Variants in ITGA1 observed in about 807,000 individuals in gnomAD.
ITGA1 encodes the protein integrin subunit alpha 1.
Under a neutral mutation model 145.9 loss-of-function variants are expected in ITGA1, and 85 were observed. The ratio of observed to expected loss-of-function variants is 0.58; its 90% CI spans 0.49 to 0.70. The LOEUF is 0.70. Ranked by LOEUF, ITGA1 falls within the 30% of genes least tolerant of loss-of-function variation. ITGA1 has a pLI of 0.00. For missense variants in ITGA1, 1,351 were observed against 1,418.7 expected, an observed-to-expected ratio of 0.95 and a Z score of 0.77; for synonymous variants, 520 against 495.3, an observed-to-expected ratio of 1.05 and a Z score of -0.66.
At chr5:52,814,737 AAG>A (rs1491230960) in intron 1 of ITGA1, among the ~76,000 whole-genome samples, 2 of 152,132 alleles carry the variant, frequency 1.3e-5, no homozygotes, top group African/African-American at 4.8e-5. Context: ...ATTAAAAAAA[AAG>A]GGGGGGAAAG....
chr5:52,908,958 G>A lies in ITGA1; in HGVS notation c.1516G>A (p.Asp506Asn), dbSNP rs1196274978. Reference sequence around the variant, plus strand: ...TGACATTGACAAGGATTCTAATACTGACATTCTTCTAGTCGGAGCCCCTAT... The same window carrying A: ...TGACATTGACAAGGATTCTAATACTAACATTCTTCTAGTCGGAGCCCCTAT... ...TTDIDKDSNT[D>N]ILLVGAPMYM... The change falls in exon 13 of 29, where the codon GAC becomes AAC. Residue 506 changes from aspartate to asparagine, a missense_variant. By Grantham distance (23) the Asp-to-Asn change is conservative (BLOSUM62 1). Coordinates refer to ENST00000282588, the MANE Select transcript of ITGA1 (RefSeq NM_181501.2). The A allele has an allele frequency of 6.2e-7, 1 of 1,613,772 alleles. No individual in the cohort carries two copies.
chr5:52,864,632 A>T (rs941949621), intron 3 of ITGA1, 131 bp from the exon 4 acceptor site: 1 of 624,788 alleles, frequency 1.6e-6, no homozygotes, highest in African/African-American at 1.9e-5. Context: ...GACTTGGAAG[A>T]CTAATTAGTT....
intron 1 of ITGA1, among the ~76,000 whole-genome samples, chr5:52,830,078 T>G (rs1749034944): frequency 6.6e-6 from 1 of 152,182 alleles, no homozygotes; most frequent in African/African-American, 2.4e-5. Context: ...ATTCAATAGA[T>G]TAAAAGTTAT....
At chr5:52,856,884 A>G (rs1291273839) in intron 2 of ITGA1, among the ~76,000 whole-genome samples, 1 of 152,148 alleles carries the variant, frequency 6.6e-6, no homozygotes, top group African/African-American at 2.4e-5. Flanking sequence ...CTGGTCCCTC[A>G]ACTGGGGCTG....
intron 14 of ITGA1, among the ~76,000 whole-genome samples, chr5:52,911,899 A>C (rs1218305618): frequency 7.3e-6 from 1 of 136,478 alleles, no homozygotes; most frequent in Non-Finnish European, 1.5e-5. Context: ...AGCATATCTA[A>C]TATATAGATA....
intron 1 of ITGA1, among the ~76,000 whole-genome samples, chr5:52,842,855 T>A (rs1297252540): frequency 6.6e-6 from 1 of 152,052 alleles, no homozygotes; most frequent in African/African-American, 2.4e-5. Flanking sequence ...CCAGCTAATT[T>A]TTTTTAATGT....
Position 52,831,829 on chromosome 5 carries a change from A to G in ITGA1, c.62-17536A>G, listed in dbSNP as rs1749076633. Among the ~76,000 whole-genome samples the G allele has an allele frequency of 2.0e-5, 3 of 152,246 alleles. No homozygotes were observed. The South Asian group carries it at 6.2e-4, about 32-fold the overall frequency. Reference sequence around the variant, plus strand: ...ATTCATAATATAGTCATGTCTATACATTGATTAACATATTTGTTATCAACT... The same window carrying G: ...ATTCATAATATAGTCATGTCTATACGTTGATTAACATATTTGTTATCAACT... On this transcript the variant is annotated intron_variant, in intron 1 of 28. Transcript: ENST00000282588.
chr5:52,807,640 T>C (rs545272415), intron 1 of ITGA1, among the ~76,000 whole-genome samples: 46 of 152,346 alleles, frequency 3.0e-4, no homozygotes, highest in African/African-American at 1.0e-3. Context: ...TTAATGTTTT[T>C]ATTCTATTAT....
chr5:52,840,424 A>G (rs1053575164), intron 1 of ITGA1, among the ~76,000 whole-genome samples: 7 of 152,218 alleles, frequency 4.6e-5, no homozygotes, highest in African/African-American at 1.7e-4. Flanking sequence ...TGTGGCTTAC[A>G]CAAACACACG....
At position 52,908,933 on chromosome 5, in the gene ITGA1, T is replaced by A. The variant is rs1750454843; in HGVS notation, c.1491T>A (p.Thr497=). 1.9e-6 allele frequency: 3 copies of A among 1,613,888 alleles called. No homozygotes were observed. In the East Asian group the frequency reaches 6.7e-5, roughly 36 times the overall value. Residue 497 remains threonine (T), a synonymous_variant, in exon 13 of 29, where the codon ACT becomes ACA. Transcript: ENST00000282588. ...GSYFGSILTT[T]DIDKDSNTDI... is the part of the protein sequence containing the mutation. ...ACTTTGGCAGTATTTTAACAACAAC[T>A]GACATTGACAAGGATTCTAATACTG...
chr5:52,940,216 T>A (rs1308956174), intron 26 of ITGA1, among the ~76,000 whole-genome samples: 1 of 152,158 alleles, frequency 6.6e-6, no homozygotes, highest in East Asian at 1.9e-4. Context: ...AAGAGATAAA[T>A]ACCTTTCCAG....
At chr5:52,852,335 G>A (rs959980158) in intron 2 of ITGA1, among the ~76,000 whole-genome samples, 1 of 152,124 alleles carries the variant, frequency 6.6e-6, no homozygotes. Context: ...TTGGATTGGA[G>A]AATGGAGTTC....
chr5:52,862,876 T>G (rs1749628054), intron 3 of ITGA1, among the ~76,000 whole-genome samples: 2 of 152,172 alleles, frequency 1.3e-5, no homozygotes, highest in South Asian at 4.1e-4. Context: ...TTTTTTTGAA[T>G]TTTCTATTTG....
At chr5:52,813,664 T>TC (rs777536929) in intron 1 of ITGA1, among the ~76,000 whole-genome samples, 74 of 152,268 alleles carry the variant, frequency 4.9e-4, no homozygotes, top group Admixed American at 2.2e-3. Flanking sequence ...CTGAGAATAA[T>TC]CTCTGAGTGT....
intron 28 of ITGA1, among the ~76,000 whole-genome samples, chr5:52,950,238 C>G (rs1008260939): frequency 6.6e-6 from 1 of 152,128 alleles, no homozygotes; most frequent in Non-Finnish European, 1.5e-5. Flanking sequence ...GAACATTCCT[C>G]TCTCCTAACT....
At chr5:52,789,752 GT>G (rs1411384578) in intron 1 of ITGA1, among the ~76,000 whole-genome samples, 1 of 152,016 alleles carries the variant, frequency 6.6e-6, no homozygotes, top group Non-Finnish European at 1.5e-5. Flanking sequence ...TGTTGTTTTT[GT>G]GCAAAATCTG....
At chr5:52,849,235 C>G in intron 1 of ITGA1, 130 bp from the exon 2 acceptor site, 1 of 734,538 alleles carries the variant, frequency 1.4e-6, no homozygotes, top group African/African-American at 1.8e-5. Flanking sequence ...CTTGAGTTTT[C>G]ATTCTTTGAG....
chr5:52,800,227 C>A (rs1748434822), intron 1 of ITGA1: 2 of 651,020 alleles, frequency 3.1e-6, no homozygotes, highest in Non-Finnish European at 5.3e-6. Flanking sequence ...GGAAGTGCTG[C>A]CCTAGGCTGC....
intron 23 of ITGA1, among the ~76,000 whole-genome samples, chr5:52,936,459 C>G (rs534581309): frequency 2.4e-4 from 36 of 152,182 alleles, no homozygotes; most frequent in Non-Finnish European, 4.3e-4. Context: ...GAGGAGCTCT[C>G]AGTCTGGAAG....
Sources: allele counts gnomAD v4.1 joint callset (sites outside exome capture counted in the v4.1 genomes callset), GRCh38; gene constraint gnomAD v4.1.1; transcripts MANE v1.5; gene names NCBI Gene and HGNC (gene_info 2026-07-23, HGNC 2026-07-21).